SPATA22: variants seen among roughly 807,000 people sequenced by gnomAD.
The protein encoded by SPATA22 is spermatogenesis-associated protein 22.
Under a neutral mutation model 47.8 loss-of-function variants are expected in SPATA22, and 29 were observed. The observed-to-expected ratio is 0.61, with a 90% CI of 0.45 to 0.83. SPATA22 has a LOEUF of 0.83. SPATA22 is among the 40% of genes least tolerant of loss of function. The pLI, the probability that SPATA22 is intolerant of heterozygous loss-of-function variation, is 0.00. For missense variants in SPATA22, 410 were observed against 421.7 expected (o/e 0.97, Z 0.24); for synonymous variants, 133 against 140.9 (o/e 0.94, Z 0.40).
rs776297759 is a variant in SPATA22 at position 3,481,642 on chromosome 17, G to A, written c.-73-12244C>T. On this transcript the variant is annotated intron_variant, in intron 1 of 8. Coordinates refer to the SPATA22 transcript ENST00000541913. Reference sequence around the variant, plus strand: ...AAGATTTGCCATATGAAGTGAGAAGGGCTCAAGAAATAAATCATTTATTTG... The same window carrying A: ...AAGATTTGCCATATGAAGTGAGAAGAGCTCAAGAAATAAATCATTTATTTG... 1.1e-5 allele frequency: 18 copies of A among 1,613,584 alleles called. No individual in the cohort carries two copies. The South Asian group carries it at 2.0e-4, about 18-fold the overall frequency.
intron 5 of SPATA22, among the ~76,000 whole-genome samples, chr17:3,450,464 T>C (rs1043127579): frequency 4.6e-5 from 7 of 152,192 alleles, no homozygotes; most frequent in Non-Finnish European, 1.0e-4. Flanking sequence ...AACTGCCTGA[T>C]ACTCCTTTAT....
At chr17:3,446,408 A>G (rs1047206051) in intron 7 of SPATA22, 64 bp downstream of exon 7, 2 of 1,492,552 alleles carry the variant, frequency 1.3e-6, no homozygotes, top group African/African-American at 2.9e-5. Context: ...AAAAGGACTA[A>G]TCAGACATTA....
At chr17:3,494,740 G>C (rs2073881979) in intron 1 of SPATA22, among the ~76,000 whole-genome samples, 1 of 152,224 alleles carries the variant, frequency 6.6e-6, no homozygotes, top group South Asian at 2.1e-4. Context: ...AATGAAGACA[G>C]CCAGATGAGA....
rs567361318 is a variant in SPATA22, at chr17:3,511,247, G to T, written c.-74+2165C>A. ...TTCAACTAGTCATAGGGAACATAGGGGACAATGTTGACTGCCAAATGAGAC... is the reference window on the plus strand; with the variant it reads ...TTCAACTAGTCATAGGGAACATAGGTGACAATGTTGACTGCCAAATGAGAC... On this transcript the variant is annotated intron_variant, in intron 1 of 8. Transcript: ENST00000541913. 2.0e-5 allele frequency: 3 copies of T among 152,210 alleles called. No individual in the cohort carries two copies. The East Asian group carries it at 5.8e-4, about 29-fold the overall frequency. The allele number at this position is 152,210 out of a possible 1,614,324, so 9.4% of individuals were successfully genotyped here.
chr17:3,486,109 T>C (rs1272124516), intron 1 of SPATA22, among the ~76,000 whole-genome samples: 2 of 152,116 alleles, frequency 1.3e-5, no homozygotes, highest in African/African-American at 2.4e-5. Context: ...ATTTTTTGCA[T>C]TTTTAGTAGA....
chr17:3,468,935 A>G (rs1208493780), intron 2 of SPATA22: 1 of 751,632 alleles, frequency 1.3e-6, no homozygotes, highest in African/African-American at 1.9e-5. Context: ...AGGAGAAGCT[A>G]TTAGAAAGAC....
chr17:3,452,745 C>T (rs896110252), intron 5 of SPATA22, among the ~76,000 whole-genome samples: 15 of 151,926 alleles, frequency 9.9e-5, no homozygotes, highest in Non-Finnish European at 2.1e-4. Flanking sequence ...TCATAAAGGA[C>T]TATTATGAAC....
At chr17:3,455,643 C>G (rs1325167875) in intron 5 of SPATA22, among the ~76,000 whole-genome samples, 2 of 142,506 alleles carry the variant, frequency 1.4e-5, no homozygotes, top group African/African-American at 5.2e-5. Flanking sequence ...CTGTTCTGTT[C>G]CATTGATCTA....
At chr17:3,443,075 C>T (rs766441484) in intron 8 of SPATA22, 99 bp downstream of exon 8, 2 of 841,496 alleles carry the variant, frequency 2.4e-6, no homozygotes, top group Non-Finnish European at 3.6e-6. Context: ...GTTAAAAGTA[C>T]TAAATTGTTA....
chr17:3,453,906 G>C (rs925277105), intron 5 of SPATA22, among the ~76,000 whole-genome samples: 1 of 152,016 alleles, frequency 6.6e-6, no homozygotes, highest in Non-Finnish European at 1.5e-5. Context: ...GAAATAAAAG[G>C]AGCGCAAATT....
At chr17:3,456,589 A>G in intron 5 of SPATA22, among the ~76,000 whole-genome samples, 1 of 152,160 alleles carries the variant, frequency 6.6e-6, no homozygotes, top group Non-Finnish European at 1.5e-5. Context: ...CCAGGACCAG[A>G]TGGATTCACA....
In SPATA22 at chr17:3,446,590, C is replaced by A. The variant is rs563284311; in HGVS notation, c.684G>T (p.Leu228Phe). 6.4e-7 allele frequency: 1 copy of A among 1,554,686 alleles called. No homozygotes were observed. Among genetic ancestry groups the A allele is most frequent in the Admixed American group, 2.0e-5 (1 of 49,612 alleles). ...PEDNTLKETS[L>F]YQLQFKEKAS... is the part of the protein sequence containing the mutation. Reference sequence around the variant, plus strand: ...CTTTTTCCTTAAACTGTAACTGATACAATGAGGTTTCCTTTTGAAAAAATA... The same window carrying A: ...CTTTTTCCTTAAACTGTAACTGATAAAATGAGGTTTCCTTTTGAAAAAATA... The change falls in exon 7 of 9, where the codon TTG (leucine) becomes TTT (phenylalanine). Residue 228 changes from leucine to phenylalanine, a missense_variant. Coordinates refer to ENST00000572969, the MANE Select transcript of SPATA22 (RefSeq NM_001170698.2).
chr17:3,476,442 G>C (rs753470713), upstream of SPATA22: 5 of 1,560,942 alleles, frequency 3.2e-6, no homozygotes, highest in Non-Finnish European at 4.4e-6. Flanking sequence ...TGTGTGAAAA[G>C]TGGTAGGTGT....
intron 5 of SPATA22, among the ~76,000 whole-genome samples, chr17:3,456,607 T>A (rs1282577400): frequency 6.6e-6 from 1 of 152,172 alleles, no homozygotes; most frequent in Non-Finnish European, 1.5e-5. Flanking sequence ...ACAGCCGAAT[T>A]CTACCAGAGG....
chr17:3,462,635 T>C (rs2073151016), intron 4 of SPATA22, 57 bp from the exon 5 acceptor site: 1 of 1,583,634 alleles, frequency 6.3e-7, no homozygotes, highest in Non-Finnish European at 8.7e-7. Flanking sequence ...ATTGAGAAAT[T>C]AAGATATACG....
In SPATA22 at chr17:3,467,474, C is replaced by G. The variant is rs1224863740; in HGVS notation, c.124G>C (p.Gly42Arg). ...TAATTGTCAGAAGGGGTACTGATAC[C>G]TGAATCATCTTTAAGTGGATTAGAA... is the stretch of plus-strand genomic sequence containing the variant. Reference protein sequence around the residue: ...LTSNPLKDDSGISTPSDNYDF... With the variant: ...LTSNPLKDDSRISTPSDNYDF... The change falls in exon 3 of 9, where the codon GGT becomes CGT. Residue 42 changes from glycine (G) to arginine (R), a missense_variant. Transcript: ENST00000572969. 6.2e-7 allele frequency: 1 copy of G among 1,608,480 alleles called. No individual in the cohort carries two copies. The highest frequency in any genetic ancestry group is 1.3e-5 in the African/African-American group (1 of 74,736).
Position 3,477,325 on chromosome 17 carries a change from G to A in SPATA22, c.-73-7927C>T, listed in dbSNP as rs769479511. 2.0e-5 allele frequency among the ~76,000 whole-genome samples: 3 copies of A among 152,266 alleles called. No homozygotes were observed. The South Asian group carries it at 6.2e-4, about 32-fold the overall frequency. The stretch of plus-strand genomic sequence containing the variant: ...ATATTTTGCTGATTTGTAATATATT[G>A]CATACAACGTAAGCAGTCATAACAT... On this transcript the variant is annotated intron_variant, in intron 1 of 8. Transcript: ENST00000541913.
intron 1 of SPATA22, chr17:3,494,279 C>T: frequency 8.4e-7 from 1 of 1,196,114 alleles, no homozygotes; most frequent in Non-Finnish European, 1.2e-6. Flanking sequence ...GCTGGGATGA[C>T]AGGCATGAGC....
At chr17:3,471,917 C>A, upstream of SPATA22, 1 of 952,936 alleles carries the variant, frequency 1.0e-6, no homozygotes, top group Non-Finnish European at 1.2e-6. Context: ...TGGCCGGGCG[C>A]GATGACGTTA....
Sources: gnomAD v4.1 joint callset for allele counts (sites outside exome capture counted in the v4.1 genomes callset) on GRCh38, gnomAD v4.1.1 for gene constraint, MANE v1.5 for transcripts, NCBI Gene and HGNC (gene_info 2026-07-23, HGNC 2026-07-21) for gene names.